Variants in L2HGDH observed in about 807,000 individuals in gnomAD.
L2HGDH encodes L-2-hydroxyglutarate dehydrogenase.
In L2HGDH, 34 loss-of-function variants were observed where a neutral mutation model predicts 51.5. The ratio of observed to expected loss-of-function variants is 0.66; its 90% confidence interval spans 0.50 to 0.88. L2HGDH has a LOEUF of 0.88. Among genes scored for constraint, L2HGDH ranks in the 40% least tolerant of loss-of-function variants. The pLI is 0.00. For synonymous variants in L2HGDH, 198 were observed against 197.9 expected (o/e 1.00, Z -0.01); for missense variants, 558 against 571.9 (o/e 0.98, Z 0.25).
At chr14:50,277,046 A>G (rs2140001304) in intron 6 of L2HGDH, among the ~76,000 whole-genome samples, 1 of 152,318 alleles carries the variant, frequency 6.6e-6, no homozygotes, top group Non-Finnish European at 1.5e-5. Context: ...GAGGAGTAAA[A>G]TTGCCTCTAG....
chr14:50,252,989 C>T (rs1888451482), intron 9 of L2HGDH, among the ~76,000 whole-genome samples: 1 of 152,110 alleles, frequency 6.6e-6, no homozygotes. Context: ...ACACATTTTT[C>T]TCCTCAGCAC....
chr14:50,307,432 C>T (rs1320456328), intron 1 of L2HGDH, among the ~76,000 whole-genome samples: 7 of 152,182 alleles, frequency 4.6e-5, no homozygotes, highest in Non-Finnish European at 1.0e-4. Context: ...GACAGGTGAA[C>T]AGAACAATAG....
intron 5 of L2HGDH, among the ~76,000 whole-genome samples, chr14:50,278,889 T>A (rs776032834): frequency 6.6e-6 from 1 of 152,214 alleles, no homozygotes; most frequent in Non-Finnish European, 1.5e-5. Context: ...GTATGTATTT[T>A]CCCACAGACT....
In L2HGDH at chr14:50,283,947, T is replaced by C. The variant is rs564306903; in HGVS notation, c.627A>G (p.Ala209=). The stretch of plus-strand genomic sequence containing the variant: ...CAAAATTGGTCAAGACAGAGCCACC[T>C]GCTTCTTGGAAATCCTGGGCAAATG... The part of the protein sequence containing the change: ...ALSFAQDFQE[A]GGSVLTNFEV... Residue 209 remains alanine, a synonymous_variant, in exon 5 of 10, where the codon GCA becomes GCG. Transcript: ENST00000267436. 88 of 1,614,172 alleles carry C rather than the reference T, an allele frequency of 5.5e-5. No individual in the cohort carries two copies. The highest frequency in any genetic ancestry group is 2.0e-4 in the East Asian group (9 of 44,876).
chr14:50,301,981 T>G, intron 3 of L2HGDH, 36 bp downstream of exon 3: 1 of 1,608,288 alleles, frequency 6.2e-7, no homozygotes, highest in Non-Finnish European at 8.5e-7. Context: ...CAAATGCTAG[T>G]TGGAAATTAG....
intron 9 of L2HGDH, among the ~76,000 whole-genome samples, chr14:50,252,745 G>C (rs1354293891): frequency 6.6e-6 from 1 of 151,972 alleles, no homozygotes; most frequent in Non-Finnish European, 1.5e-5. Flanking sequence ...CATAATGATT[G>C]TAAATATATA....
At chr14:50,253,145 T>C (rs1888460659) in intron 9 of L2HGDH, among the ~76,000 whole-genome samples, 2 of 152,148 alleles carry the variant, frequency 1.3e-5, no homozygotes, top group Admixed American at 6.6e-5. Flanking sequence ...TTGGAAATTA[T>C]ATAAACACAT....
At chr14:50,286,878 A>G (rs1449186302) in intron 4 of L2HGDH, among the ~76,000 whole-genome samples, 1 of 152,230 alleles carries the variant, frequency 6.6e-6, no homozygotes, top group Non-Finnish European at 1.5e-5. Flanking sequence ...GCTCTATCAG[A>G]ATACTTATCA....
chr14:50,287,902 T>C (rs1890652668), intron 4 of L2HGDH, among the ~76,000 whole-genome samples: 1 of 152,012 alleles, frequency 6.6e-6, no homozygotes, highest in Admixed American at 6.6e-5. Context: ...TTAACCGTGT[T>C]TGCCAGGCTG....
chr14:50,272,223 T>C (rs2139990854), intron 6 of L2HGDH, among the ~76,000 whole-genome samples: 1 of 152,288 alleles, frequency 6.6e-6, no homozygotes, highest in East Asian at 1.9e-4. Context: ...AACCCAAAAT[T>C]ATACTTACTG....
intron 7 of L2HGDH, among the ~76,000 whole-genome samples, chr14:50,268,443 T>C (rs1224297249): frequency 6.7e-6 from 1 of 150,168 alleles, no homozygotes; most frequent in Non-Finnish European, 1.5e-5. Flanking sequence ...GTTCCATCTA[T>C]GCATCTTTCT....
intron 6 of L2HGDH, among the ~76,000 whole-genome samples, chr14:50,277,560 G>C (rs1424441260): frequency 1.3e-5 from 2 of 151,802 alleles, no homozygotes; most frequent in Non-Finnish European, 2.9e-5. Flanking sequence ...TGGATCATGA[G>C]GTCAGGAGAT....
At chr14:50,302,421 C>T (rs1477913445) in intron 2 of L2HGDH, among the ~76,000 whole-genome samples, 3 of 152,164 alleles carry the variant, frequency 2.0e-5, no homozygotes, top group East Asian at 3.8e-4. Context: ...ACTTCAGGGG[C>T]CCCCTAGGGC....
chr14:50,266,728 C>T (rs1889356931), intron 8 of L2HGDH, among the ~76,000 whole-genome samples: 1 of 152,164 alleles, frequency 6.6e-6, no homozygotes, highest in Non-Finnish European at 1.5e-5. Context: ...AAGCTCCATC[C>T]TAAACTTTCT....
intron 5 of L2HGDH, among the ~76,000 whole-genome samples, chr14:50,281,289 C>G (rs942128556): frequency 2.6e-5 from 4 of 152,068 alleles, no homozygotes; most frequent in African/African-American, 9.7e-5. Flanking sequence ...TCCTTTCCAG[C>G]AGTATAATAA....
chr14:50,283,720 T>A, intron 5 of L2HGDH, 151 bp downstream of exon 5: 1 of 632,836 alleles, frequency 1.6e-6, no homozygotes, highest in African/African-American at 1.8e-5. Context: ...TATACTATCT[T>A]TTTTATTTGT....
At chr14:50,270,558 T>G (rs1304268183) in intron 6 of L2HGDH, among the ~76,000 whole-genome samples, 1 of 151,994 alleles carries the variant, frequency 6.6e-6, no homozygotes, top group South Asian at 2.1e-4. Flanking sequence ...CAGGCTGGAG[T>G]GCAGTGGCAG....
intron 9 of L2HGDH, among the ~76,000 whole-genome samples, chr14:50,252,703 A>G (rs1888436714): frequency 6.6e-6 from 1 of 152,152 alleles, no homozygotes; most frequent in Non-Finnish European, 1.5e-5. Context: ...AGATTATTAT[A>G]TAATGATAAA....
At chr14:50,273,068 G>A (rs1889789181) in intron 6 of L2HGDH, among the ~76,000 whole-genome samples, 2 of 132,978 alleles carry the variant, frequency 1.5e-5, no homozygotes, top group South Asian at 4.9e-4. Flanking sequence ...AAGGACTGAT[G>A]GCCAAAGATA....
Sources: gnomAD v4.1 joint callset for allele counts (sites outside exome capture counted in the v4.1 genomes callset) on GRCh38, gnomAD v4.1.1 for gene constraint, MANE v1.5 for transcripts, NCBI Gene and HGNC (gene_info 2026-07-23, HGNC 2026-07-21) for gene names.